AGTPBP1: variants seen among roughly 807,000 people sequenced by gnomAD.
AGTPBP1 encodes ATP/GTP binding carboxypeptidase 1.
AGTPBP1 carries 70 observed loss-of-function variants against 143.9 expected under a neutral mutation model. That is an observed-to-expected ratio of 0.49 (90% CI 0.40 to 0.59). The LOEUF is 0.59. Ranked by LOEUF, AGTPBP1 falls within the 20% of genes least tolerant of loss-of-function variation. AGTPBP1 has a pLI of 0.00. For missense variants in AGTPBP1, 1,229 were observed against 1,464.5 expected (o/e 0.84, Z 2.62); for synonymous variants, 463 against 500.2 (o/e 0.93, Z 0.99).
In AGTPBP1 at chr9:85,741,842, G is replaced by C; in HGVS notation, c.-101C>G. 3 of 1,403,194 alleles carry C rather than the reference G, an allele frequency of 2.1e-6. No individual in the cohort carries two copies. The highest frequency in any genetic ancestry group is 3.0e-5 in the South Asian group (2 of 67,030). The allele number at this position is 1,403,194 out of a possible 1,614,324, so 86.9% of individuals were successfully genotyped here. ...GCACCCGGCTCAGCACCTGGATCAC[G>C]GCGGATCCCTCGCCGCCCGCCGCCC... is the stretch of plus-strand genomic sequence containing the variant. On this transcript the variant is annotated 5_prime_UTR_variant, in exon 1 of 26. Transcript: ENST00000357081.
chr9:85,773,320 C>CTT, the AGTPBP1 span, among the ~76,000 whole-genome samples: 58 of 29,948 alleles, frequency 1.9e-3, 1 homozygote, highest in East Asian at 4.4e-3. Flanking sequence ...CCAACAAATT[C>CTT]TTTTTTTTTT....
intron 17 of AGTPBP1, among the ~76,000 whole-genome samples, chr9:85,609,572 C>A (rs542435221): frequency 7.9e-5 from 12 of 152,096 alleles, no homozygotes; most frequent in African/African-American, 2.7e-4. Context: ...TGAGCCACCG[C>A]GCCCGGCCAG....
At chr9:85,553,881 T>A (rs1390683253) in intron 25 of AGTPBP1, 1 of 152,186 alleles carries the variant, frequency 6.6e-6, no homozygotes, top group Non-Finnish European at 1.5e-5. Flanking sequence ...TCAGGTAAAT[T>A]TCTCTCTTTC....
At chr9:85,763,615 T>C in the AGTPBP1 span, among the ~76,000 whole-genome samples, 3 of 151,930 alleles carry the variant, frequency 2.0e-5, no homozygotes, top group African/African-American at 7.3e-5. Context: ...ATGTAACTTA[T>C]ATTGGGAGAA....
chr9:85,720,028 A>C (rs1587973621), intron 1 of AGTPBP1, among the ~76,000 whole-genome samples: 1 of 152,286 alleles, frequency 6.6e-6, no homozygotes, highest in East Asian at 1.9e-4. Flanking sequence ...ATTGTGGTGG[A>C]TAAGCTTTTT....
chr9:85,569,679 T>C (rs1323916313), intron 25 of AGTPBP1, among the ~76,000 whole-genome samples: 15 of 152,202 alleles, frequency 9.9e-5, no homozygotes, highest in Admixed American at 6.5e-5. Flanking sequence ...TAGCGTGTCA[T>C]ATTACACTGG....
In AGTPBP1 at chr9:85,741,772, C is replaced by A. The variant is rs749640373; in HGVS notation, c.-34+3G>T. On this transcript the variant is annotated splice_donor_region_variant and intron_variant, in intron 1 of 25. Coordinates refer to ENST00000357081, the MANE Select transcript of AGTPBP1 (RefSeq NM_001330701.2). ...GACATGAGGACTGCAGCAGGGCGCT[C>A]ACCGGCTCAGGATGGGGCGCTGGCG... 5.2e-6 allele frequency: 7 copies of A among 1,333,886 alleles called. 1 individual carries two copies. In the South Asian group the frequency reaches 1.3e-4, roughly 26 times the overall value. The allele number at this position is 1,333,886 out of a possible 1,614,324, so 82.6% of individuals were successfully genotyped here.
At chr9:85,618,841 T>G (rs1830743029) in intron 17 of AGTPBP1, 142 bp downstream of exon 17, 1 of 877,116 alleles carries the variant, frequency 1.1e-6, no homozygotes, top group Non-Finnish European at 1.7e-6. Flanking sequence ...TTTCAAATGT[T>G]GCATAATATC....
chr9:85,662,942 T>TA (rs1435523395), intron 8 of AGTPBP1, among the ~76,000 whole-genome samples: 5 of 152,046 alleles, frequency 3.3e-5, no homozygotes, highest in Admixed American at 6.6e-5. Flanking sequence ...CAATGAAAGA[T>TA]AGAGATCCAC....
intron 18 of AGTPBP1, among the ~76,000 whole-genome samples, chr9:85,593,018 G>A (rs757537291): frequency 1.3e-5 from 2 of 152,026 alleles, no homozygotes; most frequent in Non-Finnish European, 2.9e-5. Context: ...ATCATCAATG[G>A]CTACTACAAT....
the AGTPBP1 span, among the ~76,000 whole-genome samples, chr9:85,804,115 T>G: frequency 6.6e-6 from 1 of 150,846 alleles, no homozygotes; most frequent in African/African-American, 2.5e-5. Flanking sequence ...GATAAATCAC[T>G]AGCATAAAGA....
At chr9:85,585,700 C>A (rs1490722817) in intron 22 of AGTPBP1, 106 bp from the exon 23 acceptor site, 3 of 867,390 alleles carry the variant, frequency 3.5e-6, no homozygotes, top group Admixed American at 3.8e-5. Context: ...GTTCCTTGGT[C>A]TTTTTATTGT....
chr9:85,793,752 T>G, the AGTPBP1 span, among the ~76,000 whole-genome samples: 1 of 152,128 alleles, frequency 6.6e-6, no homozygotes, highest in Admixed American at 6.6e-5. Flanking sequence ...ATTATGTGAG[T>G]TTAGTTGGCC....
the AGTPBP1 span, among the ~76,000 whole-genome samples, chr9:85,797,449 G>A: frequency 6.6e-6 from 1 of 152,088 alleles, no homozygotes; most frequent in African/African-American, 2.4e-5. Context: ...TTACATCTCC[G>A]TATTTTCCAC....
chr9:85,600,564 A>G (rs1829596926), intron 17 of AGTPBP1, among the ~76,000 whole-genome samples: 1 of 152,158 alleles, frequency 6.6e-6, no homozygotes, highest in Non-Finnish European at 1.5e-5. Context: ...CCAGGAGACC[A>G]GGGAGGCTTC....
In AGTPBP1 at chr9:85,701,411, G is replaced by T. The variant is rs570220581; in HGVS notation, c.33-8598C>A. On this transcript the variant is annotated intron_variant, in intron 2 of 25. Transcript: ENST00000357081. ...TGCCCAGCTAATTTTTGTATTTCTA[G>T]TAGAGACAGGGTTTCACCATGTTAG... 4.7e-5 allele frequency among the ~76,000 whole-genome samples: 7 copies of T among 148,230 alleles called. No individual in the cohort carries two copies. In the South Asian group the frequency reaches 1.5e-3, roughly 32 times the overall value.
intron 2 of AGTPBP1, among the ~76,000 whole-genome samples, chr9:85,705,741 A>G (rs1836947454): frequency 6.6e-6 from 1 of 152,004 alleles, no homozygotes; most frequent in Non-Finnish European, 1.5e-5. Context: ...CCCAGGCTGG[A>G]GTGCAGTGGC....
intron 1 of AGTPBP1, among the ~76,000 whole-genome samples, chr9:85,731,013 G>A (rs1838842845): frequency 6.6e-6 from 1 of 152,142 alleles, no homozygotes; most frequent in South Asian, 2.1e-4. Flanking sequence ...CTACAAGTGT[G>A]TCTTTACTGT....
At chr9:85,600,895 A>G (rs908730025) in intron 17 of AGTPBP1, among the ~76,000 whole-genome samples, 1 of 151,934 alleles carries the variant, frequency 6.6e-6, no homozygotes, top group African/African-American at 2.4e-5. Context: ...AGCAACAGTC[A>G]CTGGCAGAGA....
Sources: allele counts gnomAD v4.1 joint callset (sites outside exome capture counted in the v4.1 genomes callset), GRCh38; gene constraint gnomAD v4.1.1; transcripts MANE v1.5; gene names NCBI Gene and HGNC (gene_info 2026-07-23, HGNC 2026-07-21).